INPP5A: variants seen among roughly 807,000 people sequenced by gnomAD.
The protein encoded by INPP5A is 43 kDa inositol polyphosphate 5-phophatase.
INPP5A carries 14 observed loss-of-function variants against 65.2 expected under a neutral mutation model. That is an observed-to-expected ratio of 0.21 (90% CI 0.14 to 0.34). The LOEUF (loss-of-function observed/expected upper bound fraction) is 0.34. Ranked by LOEUF, INPP5A falls within the 10% of genes least tolerant of loss-of-function variation. The pLI is 1.00. For missense variants in INPP5A, 431 were observed against 545.6 expected, an observed-to-expected ratio of 0.79 and a Z score of 2.09; for synonymous variants, 207 against 208.3, an observed-to-expected ratio of 0.99 and a Z score of 0.05.
chr10:132,729,958 C>G (rs1324999310), intron 9 of INPP5A, among the ~76,000 whole-genome samples: 3 of 152,222 alleles, frequency 2.0e-5, no homozygotes, highest in African/African-American at 7.2e-5. Flanking sequence ...GTGGAGCACT[C>G]CAGGGCGAGT....
Position 132,644,305 on chromosome 10 carries a change from G to C in INPP5A, c.118-1563G>C, listed in dbSNP as rs1242182171. On this transcript the variant is annotated intron_variant, in intron 2 of 15. Transcript: ENST00000368594. The surrounding 1 kb of genome is among the most constrained non-coding windows in gnomAD (Gnocchi z 6.5). ...TCAGGCACGGCCGCCCTTGTCTCCT[G>C]CTGCCGCTGCCACCTGCAGCACAGA... Among the ~76,000 whole-genome samples, 2 of 152,224 alleles carry C rather than the reference G, an allele frequency of 1.3e-5. No individual in the cohort carries two copies. The highest frequency in any genetic ancestry group is 4.8e-5 in the African/African-American group (2 of 41,454).
chr10:132,719,494 A>G (rs1266050040), intron 8 of INPP5A, among the ~76,000 whole-genome samples: 33 of 128,520 alleles, frequency 2.6e-4, no homozygotes, highest in African/African-American at 8.2e-4. Flanking sequence ...GTTCTGTGGT[A>G]CCTGGGTTCT....
chr10:132,632,953 G>C (rs2072294072), intron 2 of INPP5A, among the ~76,000 whole-genome samples: 1 of 152,210 alleles, frequency 6.6e-6, no homozygotes, highest in South Asian at 2.1e-4. Context: ...ACCTCGGAAG[G>C]GCAGTCCCAG....
chr10:132,688,919 AGTGCATGT>A (rs1430734027), intron 4 of INPP5A, among the ~76,000 whole-genome samples: 3 of 151,420 alleles, frequency 2.0e-5, no homozygotes. Context: ...AGTGTGCATG[AGTGCATGT>A]GTGCATGTTA....
chr10:132,658,553 G>A (rs913749681), intron 4 of INPP5A, among the ~76,000 whole-genome samples: 5 of 152,370 alleles, frequency 3.3e-5, no homozygotes, highest in African/African-American at 9.6e-5. Flanking sequence ...GTTCTGAGCA[G>A]ACGGGTGTTT....
At chr10:132,774,492 G>T (rs1308221523) in intron 12 of INPP5A, among the ~76,000 whole-genome samples, 1 of 152,194 alleles carries the variant, frequency 6.6e-6, no homozygotes, top group Non-Finnish European at 1.5e-5. Flanking sequence ...GTGAACTGTC[G>T]CCGTTCACTT....
At chr10:132,544,214 C>T (rs76792230) in intron 1 of INPP5A, among the ~76,000 whole-genome samples, 2 of 152,246 alleles carry the variant, frequency 1.3e-5, no homozygotes, top group Admixed American at 6.5e-5. Flanking sequence ...CCACTCCCAG[C>T]GAGAAGCGCA....
At chr10:132,552,527 G>A (rs4880414) in intron 1 of INPP5A, among the ~76,000 whole-genome samples, 12,086 of 108,850 alleles carry the variant, frequency 0.11, 385 homozygotes, top group East Asian at 0.27. Flanking sequence ...ATTGGTGAAC[G>A]CCTTCTCAGA....
chr10:132,540,926 T>C (rs1204706860), intron 1 of INPP5A, among the ~76,000 whole-genome samples: 3 of 152,152 alleles, frequency 2.0e-5, no homozygotes, highest in South Asian at 4.1e-4. Flanking sequence ...TGTGCACAAG[T>C]GATAGGTGGT....
rs58252497 is a variant in INPP5A at position 132,573,886 on chromosome 10, C to T, written c.76-34029C>T. Reference sequence around the variant, plus strand: ...TGTTGAGATGTTGGGGTGTGTGTGCCGTGTGAGGTTTTGTTGATGTTGAGG... The same window carrying T: ...TGTTGAGATGTTGGGGTGTGTGTGCTGTGTGAGGTTTTGTTGATGTTGAGG... On this transcript the variant is annotated intron_variant, in intron 1 of 15. Coordinates refer to ENST00000368594, the MANE Select transcript of INPP5A (RefSeq NM_005539.5). 8.6e-4 allele frequency among the ~76,000 whole-genome samples: 65 copies of T among 75,536 alleles called. 1 individual carries two copies. The highest frequency in any genetic ancestry group is 1.8e-3 in the Admixed American group (12 of 6,640). The allele number at this position is 75,536 out of a possible 152,430, so 49.6% of individuals were successfully genotyped here.
chr10:132,567,536 G>A (rs1170887223), intron 1 of INPP5A, among the ~76,000 whole-genome samples: 4 of 152,218 alleles, frequency 2.6e-5, no homozygotes. Flanking sequence ...AAATAACCAT[G>A]CTTCGTTTGT....
At chr10:132,773,676 C>T (rs770619895) in intron 12 of INPP5A, among the ~76,000 whole-genome samples, 4 of 152,132 alleles carry the variant, frequency 2.6e-5, no homozygotes, top group South Asian at 2.1e-4. Flanking sequence ...GGACCTGTGC[C>T]GAGGGGGAGG....
chr10:132,628,064 C>A (rs1357918796), intron 2 of INPP5A, among the ~76,000 whole-genome samples: 2 of 152,196 alleles, frequency 1.3e-5, no homozygotes, highest in Non-Finnish European at 2.9e-5. Flanking sequence ...GAAGAGCAAC[C>A]ATTAGATTAG....
chr10:132,569,133 A>G (rs1381730017), intron 1 of INPP5A, among the ~76,000 whole-genome samples: 3 of 151,932 alleles, frequency 2.0e-5, no homozygotes, highest in Non-Finnish European at 4.4e-5. Context: ...TCTTACTGGT[A>G]TTCTTTTTTT....
intron 8 of INPP5A, among the ~76,000 whole-genome samples, chr10:132,722,834 C>T (rs1845911356): frequency 6.6e-6 from 1 of 152,184 alleles, no homozygotes; most frequent in Non-Finnish European, 1.5e-5. Flanking sequence ...GAATTAGGCA[C>T]ATGATATTGA....
At chr10:132,758,278 C>A (rs1454669427) in intron 11 of INPP5A, among the ~76,000 whole-genome samples, 2 of 114,660 alleles carry the variant, frequency 1.7e-5, no homozygotes, top group African/African-American at 6.1e-5. Context: ...GGTCCCCGGC[C>A]GACCCCACAG....
At position 132,538,094 on chromosome 10, in the gene INPP5A, A is replaced by G; in HGVS notation, c.-3A>G. The G allele has an allele frequency of 8.5e-7, 1 of 1,177,124 alleles. No homozygotes were observed. The highest frequency in any genetic ancestry group is 1.1e-6 in the Non-Finnish European group (1 of 952,178). The allele number at this position is 1,177,124 out of a possible 1,614,324, so 72.9% of individuals were successfully genotyped here. A position where few individuals can be genotyped will look rare whatever the true frequency, so the allele number is the denominator to read the frequency against. ...AGCCCAGCGCCCGCGCCGCCCGGGCACCATGGCGGGGAAGGCGGCCGCCCC... is the reference window on the plus strand; with the variant it reads ...AGCCCAGCGCCCGCGCCGCCCGGGCGCCATGGCGGGGAAGGCGGCCGCCCC... On this transcript the variant is annotated 5_prime_UTR_variant, in exon 1 of 16. Transcript: ENST00000368594. The surrounding 1 kb of genome is among the most constrained non-coding windows in gnomAD (Gnocchi z 4.1).
At chr10:132,611,116 G>T (rs2071940813) in intron 2 of INPP5A, among the ~76,000 whole-genome samples, 1 of 149,880 alleles carries the variant, frequency 6.7e-6, no homozygotes, top group Admixed American at 6.6e-5. Context: ...GGTGAGGTGG[G>T]CAGGGGAGAG....
In INPP5A at chr10:132,676,963, TA is replaced by T. The variant is rs1162326702; in HGVS notation, c.307-13428del. Among the ~76,000 whole-genome samples, 592 of 143,640 alleles carry T rather than the reference TA, an allele frequency of 4.1e-3. 49 individuals carry two copies. Among genetic ancestry groups the T allele is most frequent in the Middle Eastern group, 0.017 (5 of 288 alleles). The allele number at this position is 143,640 out of a possible 152,430, so 94.2% of individuals were successfully genotyped here. The stretch of plus-strand genomic sequence containing the variant: ...CTGTCCTCAACTGCAGACCCACAGG[TA>T]TTCACATGGTGACCCCCACCGTCAC... On this transcript the variant is annotated intron_variant, in intron 4 of 15. Coordinates refer to ENST00000368594, the MANE Select transcript of INPP5A (RefSeq NM_005539.5). The surrounding 1 kb of genome is among the most constrained non-coding windows in gnomAD (Gnocchi z 4.0).
Sources: allele counts gnomAD v4.1 joint callset (sites outside exome capture counted in the v4.1 genomes callset), GRCh38; gene constraint gnomAD v4.1.1; non-coding constraint Gnocchi (gnomAD v3.1); transcripts MANE v1.5; gene names NCBI Gene and HGNC (gene_info 2026-07-23, HGNC 2026-07-21).